The following BABAM2 variants were observed in gnomAD, a reference collection of about 807,000 sequenced individuals.
BABAM2 encodes the protein BRISC and BRCA1 A complex member 2.
In BABAM2, 31 loss-of-function variants were observed where a neutral mutation model predicts 54.7. The observed-to-expected ratio is 0.57, with a 90% CI of 0.43 to 0.77. The LOEUF is 0.77. BABAM2 is among the 30% of genes least tolerant of loss of function. The pLI is 0.00. For synonymous variants in BABAM2, 167 were observed against 162.9 expected, an observed-to-expected ratio of 1.03 and a Z score of -0.19; for missense variants, 364 against 455.8, an observed-to-expected ratio of 0.80 and a Z score of 1.83.
intron 4 of BABAM2, among the ~76,000 whole-genome samples, chr2:28,021,497 G>A (rs893403405): frequency 6.6e-6 from 1 of 152,122 alleles, no homozygotes; most frequent in East Asian, 1.9e-4. Flanking sequence ...TCGTTTTACC[G>A]TGTGCATATA....
chr2:28,183,742 C>CACACACAT (rs1558414843), intron 7 of BABAM2, among the ~76,000 whole-genome samples: 7 of 148,632 alleles, frequency 4.7e-5, no homozygotes, highest in Non-Finnish European at 1.0e-4. Flanking sequence ...ATGAAGATCA[C>CACACACAT]ACACACACAC....
chr2:27,905,263 T>C (rs1015043621), intron 2 of BABAM2, among the ~76,000 whole-genome samples: 3 of 151,950 alleles, frequency 2.0e-5, no homozygotes, highest in Admixed American at 1.3e-4. Context: ...GGAAGTCAGA[T>C]TGGATAGGGG....
chr2:28,106,611 A>T (rs756311544), intron 6 of BABAM2, among the ~76,000 whole-genome samples: 1 of 152,206 alleles, frequency 6.6e-6, no homozygotes, highest in Non-Finnish European at 1.5e-5. Context: ...AGGTGATGTT[A>T]TATATTTTCA....
chr2:28,261,761 C>T (rs1684558243), intron 10 of BABAM2, among the ~76,000 whole-genome samples: 1 of 150,906 alleles, frequency 6.6e-6, no homozygotes, highest in Non-Finnish European at 1.5e-5. Flanking sequence ...CTCCCCTCTC[C>T]TCCTTTCCCC....
chr2:28,285,807 C>A (rs866323019), intron 10 of BABAM2, among the ~76,000 whole-genome samples: 1 of 151,804 alleles, frequency 6.6e-6, no homozygotes, highest in Admixed American at 6.6e-5. Flanking sequence ...TGGGCTCAAG[C>A]GATCCTCCCG....
intron 6 of BABAM2, among the ~76,000 whole-genome samples, chr2:28,079,979 G>A (rs1331995488): frequency 2.6e-5 from 4 of 152,018 alleles, no homozygotes; most frequent in Non-Finnish European, 5.9e-5. Context: ...ACATTATACT[G>A]TAGATATATT....
chr2:28,166,917 C>T (rs78366586), intron 7 of BABAM2, among the ~76,000 whole-genome samples: 10,122 of 152,172 alleles, frequency 0.067, 371 homozygotes, highest in African/African-American at 0.08. Flanking sequence ...CTACTGGACA[C>T]CCAGGGGGAG....
At chr2:28,065,978 T>TAAAAA (rs756592657) in intron 6 of BABAM2, among the ~76,000 whole-genome samples, 1 of 91,878 alleles carries the variant, frequency 1.1e-5, no homozygotes. Flanking sequence ...CTGTCTCTAC[T>TAAAAA]AAAAAAAAAA....
chr2:28,267,857 G>T (rs1176796560), intron 10 of BABAM2, among the ~76,000 whole-genome samples: 1 of 152,182 alleles, frequency 6.6e-6, no homozygotes, highest in Non-Finnish European at 1.5e-5. Flanking sequence ...TTGTTGATGA[G>T]CACATGTTCA....
intron 2 of BABAM2, among the ~76,000 whole-genome samples, chr2:27,904,548 G>A (rs1005944847): frequency 6.6e-6 from 1 of 152,178 alleles, no homozygotes; most frequent in Non-Finnish European, 1.5e-5. Context: ...TTTCATGTTA[G>A]AGATGCATTC....
intron 5 of BABAM2, 67 bp from the exon 6 acceptor site, chr2:28,045,658 G>A: frequency 7.2e-7 from 1 of 1,383,714 alleles, no homozygotes; most frequent in East Asian, 2.5e-5. Flanking sequence ...TTGTGGCCTT[G>A]GCTATAATTG....
chr2:27,954,278 G>A (rs1373365023), intron 3 of BABAM2, among the ~76,000 whole-genome samples: 1 of 152,168 alleles, frequency 6.6e-6, no homozygotes, highest in Admixed American at 6.5e-5. Context: ...AGAGCACTGA[G>A]CAATTTATGA....
chr2:28,055,010 A>T (rs1175200628), intron 6 of BABAM2, among the ~76,000 whole-genome samples: 2 of 152,346 alleles, frequency 1.3e-5, no homozygotes, highest in Admixed American at 6.5e-5. Flanking sequence ...CATGGAATCA[A>T]CTTAAATGCC....
intron 11 of BABAM2, among the ~76,000 whole-genome samples, chr2:28,299,024 A>T (rs577457965): frequency 1.3e-5 from 2 of 152,356 alleles, no homozygotes; most frequent in Admixed American, 1.3e-4. Context: ...ATTTTTGCTT[A>T]GTAGTCAACA....
At chr2:28,138,633 A>G (rs1284993306) in intron 7 of BABAM2, among the ~76,000 whole-genome samples, 1 of 152,158 alleles carries the variant, frequency 6.6e-6, no homozygotes, top group Non-Finnish European at 1.5e-5. Context: ...GTGAATTATC[A>G]TCTAACACTT....
intron 10 of BABAM2, among the ~76,000 whole-genome samples, chr2:28,270,518 G>A (rs1025306701): frequency 3.3e-5 from 5 of 152,204 alleles, no homozygotes; most frequent in Non-Finnish European, 7.3e-5. Context: ...TGCACACTCT[G>A]TGTGGTCTTT....
chr2:28,025,322 C>T lies in BABAM2; in HGVS notation c.397C>T (p.Arg133Trp), dbSNP rs200578948. The change falls in exon 5 of 12, where the codon CGG becomes TGG. Residue 133 changes from arginine to tryptophan, a missense_variant. Coordinates refer to ENST00000379624, the MANE Select transcript of BABAM2 (RefSeq NM_199191.3). ...TCACCAATTCCAATGTAGCCGCCTC[C>T]GGGAGAGCTCCCGCCTCATGTTTGA... Reference protein sequence around the residue: ...QYHQFQCSRLRESSRLMFEYQ... With the variant: ...QYHQFQCSRLWESSRLMFEYQ... The T allele has an allele frequency of 5.6e-6, 9 of 1,612,754 alleles. No homozygotes were observed. The highest frequency in any genetic ancestry group is 2.2e-5 in the East Asian group (1 of 44,666).
Position 28,224,230 on chromosome 2 carries a change from T to C in BABAM2, c.681-12972T>C, listed in dbSNP as rs536631182. On this transcript the variant is annotated intron_variant, in intron 7 of 11. Coordinates refer to ENST00000379624, the MANE Select transcript of BABAM2 (RefSeq NM_199191.3). ...CATTGATGATGAATATTAGAAACAT[T>C]AACTATATCACATACTCCCTGAGGA... Among the ~76,000 whole-genome samples, 7 of 152,312 alleles carry C rather than the reference T, an allele frequency of 4.6e-5. No individual in the cohort carries two copies. In the East Asian group the frequency reaches 1.4e-3, roughly 29 times the overall value.
chr2:27,894,803 T>G, intron 2 of BABAM2, 119 bp downstream of exon 2: 1 of 1,163,610 alleles, frequency 8.6e-7, no homozygotes. Context: ...CAAGTCATCA[T>G]CTCATCATAT....
Sources: allele counts gnomAD v4.1 joint callset (sites outside exome capture counted in the v4.1 genomes callset), GRCh38; gene constraint gnomAD v4.1.1; transcripts MANE v1.5; gene names NCBI Gene and HGNC (gene_info 2026-07-23, HGNC 2026-07-21).